The following LAPTM4B variants were observed in gnomAD, a reference collection of about 807,000 sequenced individuals.
LAPTM4B encodes the protein lysosomal-associated transmembrane protein 4B.
Under a neutral mutation model 28.5 loss-of-function variants are expected in LAPTM4B, and 26 were observed. The ratio of observed to expected loss-of-function variants is 0.91; its 90% CI spans 0.67 to 1.27. The LOEUF (loss-of-function observed/expected upper bound fraction) is 1.27, where lower values mean the gene tolerates loss of function less well. Ranked by LOEUF, LAPTM4B falls within the 50% of genes most tolerant of loss-of-function variation. The probability of loss-of-function intolerance (pLI) is 0.00; values close to 1 mark genes in which losing one functional copy is unlikely to be tolerated. For missense variants in LAPTM4B, 288 were observed against 285.8 expected (o/e 1.01, Z -0.06); for synonymous variants, 109 against 106.4 (o/e 1.02, Z -0.15).
intron 5 of LAPTM4B, among the ~76,000 whole-genome samples, chr8:97,822,305 G>A (rs1251209017): frequency 6.6e-6 from 1 of 151,968 alleles, no homozygotes; most frequent in African/African-American, 2.4e-5. Context: ...TAAAATTTGT[G>A]TGTGTGAGTA....
intron 1 of LAPTM4B, among the ~76,000 whole-genome samples, chr8:97,776,558 G>A (rs1165152194): frequency 6.6e-6 from 1 of 152,258 alleles, no homozygotes; most frequent in Non-Finnish European, 1.5e-5. Flanking sequence ...TCTGTGGTTA[G>A]GGTTGCGGAT....
At chr8:97,799,816 C>CGA (rs1464650001) in intron 1 of LAPTM4B, among the ~76,000 whole-genome samples, 1 of 152,188 alleles carries the variant, frequency 6.6e-6, no homozygotes, top group Admixed American at 6.5e-5. Flanking sequence ...GTTCTATCCT[C>CGA]TAACATTTCC....
chr8:97,834,144 G>GACAAAAAAAAAAAAAAAAAA, intron 6 of LAPTM4B, among the ~76,000 whole-genome samples: 1 of 75,346 alleles, frequency 1.3e-5, no homozygotes, highest in South Asian at 4.4e-4. Context: ...TGTCTCTACA[G>GACAAAAAAAAAAAAAAAAAA]AAAAAAAAAA....
chr8:97,804,848 T>G (rs906823022), intron 1 of LAPTM4B, among the ~76,000 whole-genome samples: 1 of 152,196 alleles, frequency 6.6e-6, no homozygotes, highest in Non-Finnish European at 1.5e-5. Context: ...AGGATGATCC[T>G]GGATCCACTA....
Position 97,823,333 on chromosome 8 carries a change from C to T in LAPTM4B, c.508-1725C>T, listed in dbSNP as rs575849062. 6.0e-4 allele frequency among the ~76,000 whole-genome samples: 83 copies of T among 139,328 alleles called. No individual in the cohort carries two copies. In the Middle Eastern group the frequency reaches 0.018, roughly 30 times the overall value. The allele number at this position is 139,328 out of a possible 152,430, so 91.4% of individuals were successfully genotyped here. A position where few individuals can be genotyped will look rare whatever the true frequency, so the allele number is the denominator to read the frequency against. ...GGGCATTCCATGCGAATACAATCAT[C>T]ATACAATATGGTTTTTTTTTTTGTT... On this transcript the variant is annotated intron_variant, in intron 5 of 6. Transcript: ENST00000521545.
chr8:97,775,943 G>A lies in LAPTM4B; in HGVS notation c.-67G>A. On this transcript the variant is annotated 5_prime_UTR_variant, in exon 1 of 7. Coordinates refer to ENST00000521545, the MANE Select transcript of LAPTM4B (RefSeq NM_018407.6). Reference sequence around the variant, plus strand: ...GGAGCCGGCAGCAGCGGCGCGGCGGGCTCCAGGCGAGGCGGTCGACGCTCC... The same window carrying A: ...GGAGCCGGCAGCAGCGGCGCGGCGGACTCCAGGCGAGGCGGTCGACGCTCC... 2 of 1,485,820 alleles carry A rather than the reference G, an allele frequency of 1.3e-6. No homozygotes were observed. Among genetic ancestry groups the A allele is most frequent in the Non-Finnish European group, 8.9e-7 (1 of 1,127,092 alleles). 92.0% of individuals were successfully genotyped at this position (1,485,820 alleles called of 1,614,324 possible).
Position 97,795,484 on chromosome 8 carries a change from G to T in LAPTM4B, c.100-9869G>T, listed in dbSNP as rs78329894. Among the ~76,000 whole-genome samples the T allele has an allele frequency of 9.8e-3, 1,485 of 152,232 alleles. 19 individuals carry two copies. Among genetic ancestry groups the T allele is most frequent in the African/African-American group, 0.034 (1,397 of 41,542 alleles). ...AACAGCTAAGCTATCACTAAGCAAA[G>T]ACCCCTGTATCTTATCACTCAAGAC... On this transcript the variant is annotated intron_variant, in intron 1 of 6. Transcript: ENST00000521545.
At chr8:97,834,396 G>C (rs1234901125) in intron 6 of LAPTM4B, among the ~76,000 whole-genome samples, 2 of 152,092 alleles carry the variant, frequency 1.3e-5, no homozygotes, top group Non-Finnish European at 2.9e-5. Flanking sequence ...TTGTTACTCC[G>C]TACCTGTTTT....
In LAPTM4B at chr8:97,797,424, C is replaced by T. The variant is rs555701036; in HGVS notation, c.100-7929C>T. ...CTGGGATTACAGGAGTGAGCCACCG[C>T]GCCCGGCTGGAATTACAACTTTTTA... On this transcript the variant is annotated intron_variant, in intron 1 of 6. Transcript: ENST00000521545. 2.4e-4 allele frequency among the ~76,000 whole-genome samples: 36 copies of T among 152,214 alleles called. No homozygotes were observed. In the East Asian group the frequency reaches 5.8e-3, roughly 24 times the overall value.
Position 97,823,361 on chromosome 8 carries a change from T to TGTTG in LAPTM4B, c.508-1697_508-1696insGTTG, listed in dbSNP as rs11462603. Among the ~76,000 whole-genome samples, 327 of 134,566 alleles carry TGTTG rather than the reference T, an allele frequency of 2.4e-3. 5 individuals carry two copies. The highest frequency in any genetic ancestry group is 0.01 in the South Asian group (41 of 4,068). The allele number at this position is 134,566 out of a possible 152,430, so 88.3% of individuals were successfully genotyped here. A position where few individuals can be genotyped will look rare whatever the true frequency, so the allele number is the denominator to read the frequency against. On this transcript the variant is annotated intron_variant, in intron 5 of 6. Transcript: ENST00000521545. ...ACAATATGGTTTTTTTTTTTGTTTT[T>TGTTG]TTTTTGTTGTTGTTGTTGTTGTTGT...
At chr8:97,825,734 G>A (rs1020631168) in intron 6 of LAPTM4B, among the ~76,000 whole-genome samples, 2 of 152,194 alleles carry the variant, frequency 1.3e-5, no homozygotes, top group Admixed American at 1.3e-4. Flanking sequence ...GAAAACATAT[G>A]CACTTTATGT....
chr8:97,791,499 A>G (rs185934265), intron 1 of LAPTM4B, among the ~76,000 whole-genome samples: 408 of 152,208 alleles, frequency 2.7e-3, no homozygotes, highest in Middle Eastern at 6.8e-3. Flanking sequence ...GAACACCAGA[A>G]CCGACTGAAG....
rs547945689 is a variant in LAPTM4B at position 97,780,510 on chromosome 8, A to G, written c.99+4402A>G. ...ATTTCCTGTTTTGCAAGATAGGTAA[A>G]GTGGATCTTTTTTATATGTTTTCTT... On this transcript the variant is annotated intron_variant, in intron 1 of 6. Coordinates refer to ENST00000521545, the MANE Select transcript of LAPTM4B (RefSeq NM_018407.6). Among the ~76,000 whole-genome samples, 8 of 152,338 alleles carry G rather than the reference A, an allele frequency of 5.3e-5. No homozygotes were observed. The South Asian group carries it at 1.5e-3, about 28-fold the overall frequency.
intron 6 of LAPTM4B, among the ~76,000 whole-genome samples, chr8:97,826,249 A>G (rs1425317817): frequency 6.6e-6 from 1 of 152,172 alleles, no homozygotes; most frequent in Admixed American, 6.5e-5. Context: ...AGTTCAATCA[A>G]ATATGCATGA....
In LAPTM4B at chr8:97,813,568, A is replaced by G. The variant is rs188965234; in HGVS notation, c.212-1760A>G. ...CAGTCCAGTCAAGTTGACACTCCAG[A>G]TGCATTAAGCCTACAGAATCCCCTG... On this transcript the variant is annotated intron_variant, in intron 2 of 6. Transcript: ENST00000521545. 1.1e-4 allele frequency among the ~76,000 whole-genome samples: 16 copies of G among 152,328 alleles called. No homozygotes were observed. In the South Asian group the frequency reaches 1.2e-3, roughly 12 times the overall value.
At chr8:97,807,124 G>C (rs1169076899) in intron 2 of LAPTM4B, among the ~76,000 whole-genome samples, 1 of 152,124 alleles carries the variant, frequency 6.6e-6, no homozygotes, top group African/African-American at 2.4e-5. Flanking sequence ...TACAGGTGTA[G>C]GCTCCGAAGC....
Position 97,775,959 on chromosome 8 carries a change from T to TCCAGG in LAPTM4B, c.-50_-49insCAGGC, listed in dbSNP as rs774596199. On this transcript the variant is annotated 5_prime_UTR_variant, in exon 1 of 7. Transcript: ENST00000521545. ...GCGCGGCGGGCTCCAGGCGAGGCGG[T>TCCAGG]CGACGCTCCTGAAAACTTGCGCGCG... 19 of 1,449,890 alleles carry TCCAGG rather than the reference T, an allele frequency of 1.3e-5. No individual in the cohort carries two copies. Among genetic ancestry groups the TCCAGG allele is most frequent in the South Asian group, 2.6e-5 (2 of 76,820 alleles). 89.8% of individuals were successfully genotyped at this position (1,449,890 alleles called of 1,614,324 possible).
At chr8:97,796,401 T>A (rs1816584324) in intron 1 of LAPTM4B, among the ~76,000 whole-genome samples, 1 of 152,200 alleles carries the variant, frequency 6.6e-6, no homozygotes, top group African/African-American at 2.4e-5. Flanking sequence ...CTTGTCCGGA[T>A]CCTTGAATTA....
At chr8:97,794,805 C>T (rs539718992) in intron 1 of LAPTM4B, among the ~76,000 whole-genome samples, 43 of 152,284 alleles carry the variant, frequency 2.8e-4, no homozygotes, top group African/African-American at 9.9e-4. Flanking sequence ...CCTCCACCTC[C>T]CATGTTCAAG....
Sources: gnomAD v4.1 joint callset for allele counts (sites outside exome capture counted in the v4.1 genomes callset) on GRCh38, gnomAD v4.1.1 for gene constraint, MANE v1.5 for transcripts, NCBI Gene and HGNC (gene_info 2026-07-23, HGNC 2026-07-21) for gene names.